TMEM213: variants seen among roughly 807,000 people sequenced by gnomAD.
The protein encoded by TMEM213 is transmembrane protein 213.
TMEM213 carries 7 observed loss-of-function variants against 11.6 expected under a neutral mutation model. That is an observed-to-expected ratio of 0.60 (90% CI 0.34 to 1.13). TMEM213 has a LOEUF of 1.13. Ranked by LOEUF, TMEM213 falls within the 50% of genes most tolerant of loss-of-function variation. TMEM213 has a pLI of 0.03. For missense variants in TMEM213, 129 were observed against 139.0 expected, an observed-to-expected ratio of 0.93 and a Z score of 0.36; for synonymous variants, 60 against 58.3, an observed-to-expected ratio of 1.03 and a Z score of -0.13.
At position 138,802,893 on chromosome 7, in the gene TMEM213, C is replaced by G. The variant is rs562085152; in HGVS notation, c.155-7C>G. 1.3e-6 allele frequency: 2 copies of G among 1,553,124 alleles called. No homozygotes were observed. The highest frequency in any genetic ancestry group is 1.4e-5 in the African/African-American group (1 of 73,136). The stretch of plus-strand genomic sequence containing the variant: ...TGCCGTCGTCCTTGCTGTCCCTTCC[C>G]CACCAGACGTGGACTTCTGCCCACA... On this transcript the variant is annotated splice_region_variant and splice_polypyrimidine_tract_variant and intron_variant, in intron 2 of 2. Transcript: ENST00000442682.
Position 138,804,573 on chromosome 7 carries a change from C to T in TMEM213, c.*1504C>T, listed in dbSNP as rs915858270. ...CTCCATAGTTTATCCTTCCTCACAC[C>T]CCTGGGGCATAGTACCCTATTCAAG... On this transcript the variant is annotated 3_prime_UTR_variant, in exon 3 of 3. Coordinates refer to ENST00000442682, the MANE Select transcript of TMEM213 (RefSeq NM_001085429.2). 6.6e-6 allele frequency: 1 copy of T among 152,356 alleles called. No individual in the cohort carries two copies. Among genetic ancestry groups the T allele is most frequent in the Middle Eastern group, 3.4e-3 (1 of 296 alleles). The allele number at this position is 152,356 out of a possible 1,614,324, so 9.4% of individuals were successfully genotyped here.
chr7:138,801,513 C>T, intron 2 of TMEM213, 115 bp downstream of exon 2: 2 of 973,134 alleles, frequency 2.1e-6, no homozygotes, highest in Non-Finnish European at 3.2e-6. Flanking sequence ...GCCTGCCTGG[C>T]CTTCCTGTGC....
rs868389087 is a variant in TMEM213, at chr7:138,805,589, A to G, written c.*2520A>G. On this transcript the variant is annotated 3_prime_UTR_variant, in exon 3 of 3. Transcript: ENST00000442682. ...CATCTGCAAACATTTAAAAAATATAACAGTGTGTGACGTAGCAGTGAGAGT... is the reference window on the plus strand; with the variant it reads ...CATCTGCAAACATTTAAAAAATATAGCAGTGTGTGACGTAGCAGTGAGAGT... The G allele has an allele frequency of 2.6e-5, 4 of 152,350 alleles. No homozygotes were observed. Among genetic ancestry groups the G allele is most frequent in the African/African-American group, 9.6e-5 (4 of 41,588 alleles). 9.4% of individuals were successfully genotyped at this position (152,350 alleles called of 1,614,324 possible).
chr7:138,802,074 G>A (rs1236077348), intron 2 of TMEM213, among the ~76,000 whole-genome samples: 1 of 152,118 alleles, frequency 6.6e-6, no homozygotes, highest in Non-Finnish European at 1.5e-5. Flanking sequence ...GCTGAGACAG[G>A]AGAATTGCTT....
Position 138,806,144 on chromosome 7 carries a change from C to T in TMEM213, c.*3075C>T, listed in dbSNP as rs2130274471. 1 of 152,280 alleles carries T rather than the reference C, an allele frequency of 6.6e-6. No homozygotes were observed. Among genetic ancestry groups the T allele is most frequent in the African/African-American group, 2.4e-5 (1 of 41,550 alleles). The allele number at this position is 152,280 out of a possible 1,614,324, so 9.4% of individuals were successfully genotyped here. ...GATGGTTCTACTTCCCAGATGCTAC[C>T]TCTCAGATTTATTCTCAACAGAAAA... On this transcript the variant is annotated 3_prime_UTR_variant, in exon 3 of 3. Transcript: ENST00000442682.
chr7:138,801,133 A>G (rs910846862), intron 1 of TMEM213, among the ~76,000 whole-genome samples, 194 bp from the exon 2 acceptor site: 1 of 152,254 alleles, frequency 6.6e-6, no homozygotes. Context: ...AATATATGAA[A>G]CTTGGGAGAG....
In TMEM213 at chr7:138,798,323, A is replaced by C. The variant is rs539727344; in HGVS notation, c.82+137A>C. ...CTGCGCAAAGGAAGGAGGAAACAGAACTTTCTCATCTGAAGGATTAGGCAG... is the reference window on the plus strand; with the variant it reads ...CTGCGCAAAGGAAGGAGGAAACAGACCTTTCTCATCTGAAGGATTAGGCAG... On this transcript the variant is annotated intron_variant, in intron 1 of 2. Coordinates refer to ENST00000442682, the MANE Select transcript of TMEM213 (RefSeq NM_001085429.2). The C allele has an allele frequency of 1.7e-3, 551 of 320,398 alleles. 4 individuals are homozygous for C. In the Middle Eastern group the frequency reaches 0.026, roughly 15 times the overall value. 19.8% of individuals were successfully genotyped at this position (320,398 alleles called of 1,614,324 possible).
In TMEM213 at chr7:138,804,913, G is replaced by A. The variant is rs987883819; in HGVS notation, c.*1844G>A. ...TTTTGTGCCTTCTGTGAGAAAACAT[G>A]TATTTAGATCAGATAAACTCTAGTC... On this transcript the variant is annotated 3_prime_UTR_variant, in exon 3 of 3. Coordinates refer to ENST00000442682, the MANE Select transcript of TMEM213 (RefSeq NM_001085429.2). 2.0e-5 allele frequency: 3 copies of A among 152,138 alleles called. No individual in the cohort carries two copies. Among genetic ancestry groups the A allele is most frequent in the Admixed American group, 6.6e-5 (1 of 15,254 alleles). 9.4% of individuals were successfully genotyped at this position (152,138 alleles called of 1,614,324 possible).
chr7:138,799,138 T>A (rs759755511), intron 1 of TMEM213, among the ~76,000 whole-genome samples: 2 of 152,190 alleles, frequency 1.3e-5, no homozygotes, highest in Non-Finnish European at 2.9e-5. Flanking sequence ...TCCTCCTTTA[T>A]CTCATGGGGA....
chr7:138,800,692 CT>C, intron 1 of TMEM213, among the ~76,000 whole-genome samples: 1 of 87,078 alleles, frequency 1.1e-5, no homozygotes, highest in Non-Finnish European at 2.4e-5. Flanking sequence ...TCTTCTTCTT[CT>C]TCTTCTTCTT....
Position 138,803,228 on chromosome 7 carries a change from G to C in TMEM213, c.*159G>C, listed in dbSNP as rs147140722. ...AAGAAAGAGCGGGAGAACCAAATAA[G>C]GCAAGCCAGTGCTGCCCTTGCATGT... On this transcript the variant is annotated 3_prime_UTR_variant, in exon 3 of 3. Transcript: ENST00000442682. 1 of 978,144 alleles carries C rather than the reference G, an allele frequency of 1.0e-6. No individual in the cohort carries two copies. Among genetic ancestry groups the C allele is most frequent in the Admixed American group, 2.5e-5 (1 of 40,346 alleles). The allele number at this position is 978,144 out of a possible 1,614,324, so 60.6% of individuals were successfully genotyped here.
In TMEM213 at chr7:138,798,073, A is replaced by T; in HGVS notation, c.-32A>T. On this transcript the variant is annotated 5_prime_UTR_variant, in exon 1 of 3. Coordinates refer to ENST00000442682, the MANE Select transcript of TMEM213 (RefSeq NM_001085429.2). ...CGGCACAACTCCGCAGGACCGGCTC[A>T]CCTGCACCGGGCACTCAGCACAGCC... 1 of 1,577,240 alleles carries T rather than the reference A, an allele frequency of 6.3e-7. No homozygotes were observed. Among genetic ancestry groups the T allele is most frequent in the South Asian group, 1.2e-5 (1 of 86,016 alleles).
chr7:138,801,020 C>T (rs1396772754), intron 1 of TMEM213, among the ~76,000 whole-genome samples: 1 of 151,898 alleles, frequency 6.6e-6, no homozygotes, highest in East Asian at 1.9e-4. Context: ...TTATAAGGAC[C>T]CCGCCATATT....
In TMEM213 at chr7:138,804,534, T is replaced by C. The variant is rs928446189; in HGVS notation, c.*1465T>C. On this transcript the variant is annotated 3_prime_UTR_variant, in exon 3 of 3. Coordinates refer to ENST00000442682, the MANE Select transcript of TMEM213 (RefSeq NM_001085429.2). ...TCTGCTCTGCCCTGATGTGCAGTTG[T>C]TGTGAATGGGCCACTCCATAGTTTA... 3 of 152,348 alleles carry C rather than the reference T, an allele frequency of 2.0e-5. No individual in the cohort carries two copies. Among genetic ancestry groups the C allele is most frequent in the Non-Finnish European group, 4.4e-5 (3 of 68,140 alleles). The allele number at this position is 152,348 out of a possible 1,614,324, so 9.4% of individuals were successfully genotyped here.
At position 138,801,152 on chromosome 7, in the gene TMEM213, A is replaced by T. The variant is rs185335609; in HGVS notation, c.83-175A>T. On this transcript the variant is annotated intron_variant, in intron 1 of 2. Transcript: ENST00000442682. Reference sequence around the variant, plus strand: ...TATGAAACTTGGGAGAGGGGAACATAATTCGGTCCATAACAGGGAGTTAGC... The same window carrying T: ...TATGAAACTTGGGAGAGGGGAACATTATTCGGTCCATAACAGGGAGTTAGC... 2.8e-3 allele frequency among the ~76,000 whole-genome samples: 432 copies of T among 152,328 alleles called. 2 individuals are homozygous for T. Among genetic ancestry groups the T allele is most frequent in the African/African-American group, 9.9e-3 (411 of 41,580 alleles).
At chr7:138,802,232 C>T (rs774669290) in intron 2 of TMEM213, among the ~76,000 whole-genome samples, 46 of 151,550 alleles carry the variant, frequency 3.0e-4, no homozygotes, top group African/African-American at 4.4e-4. Flanking sequence ...ATTGAATGAC[C>T]GAATGCATTA....
Position 138,803,107 on chromosome 7 carries a change from A to G in TMEM213, c.*38A>G, listed in dbSNP as rs769143927. 1.8e-5 allele frequency: 29 copies of G among 1,599,344 alleles called. No individual in the cohort carries two copies. In the African/African-American group the frequency reaches 3.1e-4, roughly 17 times the overall value. On this transcript the variant is annotated 3_prime_UTR_variant, in exon 3 of 3. Transcript: ENST00000442682. ...GTGCACAAAATGGTGATCGCCACCA[A>G]TTTGTGGCTAATGGGGAAGGGGAGT...
In TMEM213 at chr7:138,798,226, GGGAGGGAA is replaced by G. The variant is rs773606815; in HGVS notation, c.82+50_82+57del. The stretch of plus-strand genomic sequence containing the variant: ...TTTATTCATGGCCAGGCTGGGAAGG[GGGAGGGAA>G]GGAGGGAAGAGAGGTGGGAGGGAAA... On this transcript the variant is annotated intron_variant, in intron 1 of 2. Coordinates refer to ENST00000442682, the MANE Select transcript of TMEM213 (RefSeq NM_001085429.2). 3.9e-6 allele frequency: 6 copies of G among 1,542,398 alleles called. No homozygotes were observed. In the East Asian group the frequency reaches 7.2e-5, roughly 19 times the overall value.
In TMEM213 at chr7:138,801,214, C is replaced by T. The variant is rs1433672284; in HGVS notation, c.83-113C>T. The T allele has an allele frequency of 5.1e-6, 5 of 980,474 alleles. No homozygotes were observed. The African/African-American group carries it at 6.5e-5, about 13-fold the overall frequency. 60.7% of individuals were successfully genotyped at this position (980,474 alleles called of 1,614,324 possible). ...AAGCCTCAATATGCCCATGCGGGAG[C>T]TTCTATAATACTTTCATAATACTCA... On this transcript the variant is annotated intron_variant, in intron 1 of 2. Coordinates refer to ENST00000442682, the MANE Select transcript of TMEM213 (RefSeq NM_001085429.2).
Sources: gnomAD v4.1 joint callset for allele counts (sites outside exome capture counted in the v4.1 genomes callset) on GRCh38, gnomAD v4.1.1 for gene constraint, MANE v1.5 for transcripts, NCBI Gene and HGNC (gene_info 2026-07-23, HGNC 2026-07-21) for gene names.